The following NCKAP5L variants were observed in gnomAD, a reference collection of about 807,000 sequenced individuals.
NCKAP5L encodes nck-associated protein 5-like.
A neutral mutation model predicts 103.2 loss-of-function variants in NCKAP5L; 54 were observed. That is an observed-to-expected ratio of 0.52 (90% CI 0.42 to 0.66). The LOEUF is 0.66. NCKAP5L is among the 30% of genes least tolerant of loss of function. The probability of loss-of-function intolerance (pLI) is 0.00; values close to 1 mark genes in which losing one functional copy is unlikely to be tolerated. For missense variants in NCKAP5L, 1,733 were observed against 1,750.6 expected (o/e 0.99, Z 0.18); for synonymous variants, 762 against 748.6 (o/e 1.02, Z -0.29).
In NCKAP5L at chr12:49,801,977, AC is replaced by A. The variant is rs766427339; in HGVS notation, c.232-11del. ...ACTCCTCTCGCAGGTCCTGCCGCCCACCCCGGGAAGTGCAGGAAGAAGAGGT... is the reference window on the plus strand; with the variant it reads ...ACTCCTCTCGCAGGTCCTGCCGCCCACCCGGGAAGTGCAGGAAGAAGAGGT... On this transcript the variant is annotated splice_polypyrimidine_tract_variant and intron_variant, in intron 5 of 12. Transcript: ENST00000335999. The A allele has an allele frequency of 3.1e-6, 5 of 1,612,972 alleles. No homozygotes were observed. The highest frequency in any genetic ancestry group is 4.2e-6 in the Non-Finnish European group (5 of 1,179,600).
At chr12:49,824,374 T>C (rs752583229) in intron 1 of NCKAP5L, among the ~76,000 whole-genome samples, 14 of 151,756 alleles carry the variant, frequency 9.2e-5, no homozygotes, top group Non-Finnish European at 1.3e-4. Context: ...GCAGATCAGA[T>C]CAAGAAGAGT....
At position 49,792,514 on chromosome 12, in the gene NCKAP5L, C is replaced by T; in HGVS notation, c.3724G>A (p.Ala1242Thr). The T allele has an allele frequency of 1.2e-6, 2 of 1,613,560 alleles. No individual in the cohort carries two copies. Among genetic ancestry groups the T allele is most frequent in the Non-Finnish European group, 1.7e-6 (2 of 1,179,666 alleles). The stretch of plus-strand genomic sequence containing the variant: ...ATGAGAGGGTCCGAGGAGCTGCCGG[C>T]TGCCCTAGTATTGGGGAAGGTCCAG... ...KNWTFPNTRAAGSSSDPLMCP... is the reference protein window; with the variant it reads ...KNWTFPNTRATGSSSDPLMCP... The change falls in exon 12 of 13, where the codon GCC (alanine) becomes ACC (threonine). Residue 1242 changes from alanine (A) to threonine (T), a missense_variant. Ala to Thr is a moderately conservative substitution (Grantham distance 58). Coordinates refer to ENST00000335999, the MANE Select transcript of NCKAP5L (RefSeq NM_001037806.4). This position sits in a 1 kb window ranked among gnomAD's most constrained non-coding sequence, Gnocchi z 4.5.
At chr12:49,794,317 G>A (rs1945988921) in intron 8 of NCKAP5L, among the ~76,000 whole-genome samples, 1 of 152,150 alleles carries the variant, frequency 6.6e-6, no homozygotes, top group Non-Finnish European at 1.5e-5. Context: ...GCCTCATCTG[G>A]CCCAGACAGA....
intron 1 of NCKAP5L, among the ~76,000 whole-genome samples, chr12:49,808,467 A>C (rs895364961): frequency 2.0e-5 from 3 of 152,136 alleles, no homozygotes; most frequent in African/African-American, 7.2e-5. Flanking sequence ...GGTGGGGAGG[A>C]GCACGGGCCA....
chr12:49,811,403 G>A (rs924929234), intron 1 of NCKAP5L, among the ~76,000 whole-genome samples: 1 of 152,046 alleles, frequency 6.6e-6, no homozygotes, highest in Non-Finnish European at 1.5e-5. Flanking sequence ...AGCCAGCAGA[G>A]GGGAACCCCC....
At chr12:49,824,820 G>T (rs764723168) in intron 1 of NCKAP5L, among the ~76,000 whole-genome samples, 1 of 152,190 alleles carries the variant, frequency 6.6e-6, no homozygotes, top group Non-Finnish European at 1.5e-5. Flanking sequence ...CAGTGTCTGG[G>T]GGAAAATATT....
At chr12:49,815,946 G>A (rs1444374278) in intron 1 of NCKAP5L, among the ~76,000 whole-genome samples, 2 of 151,836 alleles carry the variant, frequency 1.3e-5, no homozygotes, top group Non-Finnish European at 2.9e-5. Context: ...ATCTTCCCAC[G>A]ACCTCCTACT....
At position 49,795,528 on chromosome 12, in the gene NCKAP5L, C is replaced by T; in HGVS notation, c.2332G>A (p.Ala778Thr). Reference protein sequence around the residue: ...PRSCLTKVELAKSRLAGALCP... With the variant: ...PRSCLTKVELTKSRLAGALCP... The stretch of plus-strand genomic sequence containing the variant: ...AGGGCCCCTGCCAGCCGGCTCTTGG[C>T]CAGCTCCACTTTGGTGAGGCAGCTC... The change falls in exon 8 of 13, where the codon GCC becomes ACC. Residue 778 changes from alanine (A) to threonine (T), a missense_variant. Coordinates refer to ENST00000335999, the MANE Select transcript of NCKAP5L (RefSeq NM_001037806.4). The T allele has an allele frequency of 6.5e-7, 1 of 1,532,806 alleles. No individual in the cohort carries two copies. The highest frequency in any genetic ancestry group is 2.2e-5 in the Admixed American group (1 of 46,026). 95.0% of individuals were successfully genotyped at this position (1,532,806 alleles called of 1,614,324 possible).
chr12:49,799,366 G>A (rs1258801386), intron 6 of NCKAP5L, among the ~76,000 whole-genome samples: 1 of 150,756 alleles, frequency 6.6e-6, no homozygotes, highest in African/African-American at 2.4e-5. Flanking sequence ...CTGGAATGCA[G>A]TGGCACGACT....
At chr12:49,826,428 G>T (rs934759028) in intron 1 of NCKAP5L, among the ~76,000 whole-genome samples, 2 of 152,170 alleles carry the variant, frequency 1.3e-5, no homozygotes, top group African/African-American at 4.8e-5. Context: ...AAGGCACCAG[G>T]GGTGTGTGGG....
intron 1 of NCKAP5L, among the ~76,000 whole-genome samples, chr12:49,808,203 G>A (rs1048322740): frequency 6.6e-6 from 1 of 152,208 alleles, no homozygotes; most frequent in Non-Finnish European, 1.5e-5. Context: ...CAGGCCAGGA[G>A]GCCCGAGTTC....
At position 49,804,096 on chromosome 12, in the gene NCKAP5L, A is replaced by T; in HGVS notation, c.-36-16T>A. The stretch of plus-strand genomic sequence containing the variant: ...CCCCGGCAGGCTACTCCAGGGAATG[A>T]GGAGGAAGTGAGAAGGAGGAGGACA... On this transcript the variant is annotated splice_polypyrimidine_tract_variant and intron_variant, in intron 2 of 12. Transcript: ENST00000335999. 6.3e-7 allele frequency: 1 copy of T among 1,598,912 alleles called. No individual in the cohort carries two copies.
intron 1 of NCKAP5L, among the ~76,000 whole-genome samples, chr12:49,811,751 C>A (rs999495616): frequency 1.3e-5 from 2 of 152,004 alleles, no homozygotes; most frequent in African/African-American, 4.8e-5. Flanking sequence ...CCAGCCTGGG[C>A]GACAAAGAGG....
chr12:49,794,834 C>T lies in NCKAP5L; in HGVS notation c.3026G>A (p.Gly1009Glu), dbSNP rs1346098892. Residue 1009 changes from glycine to glutamate, a missense_variant, in exon 8 of 13, where the codon GGG (glycine) becomes GAG (glutamate). Coordinates refer to ENST00000335999, the MANE Select transcript of NCKAP5L (RefSeq NM_001037806.4). Reference protein sequence around the residue: ...GPAPGPNTGLGQVQGQLAGMY... With the variant: ...GPAPGPNTGLEQVQGQLAGMY... ...GCCAGCCAGCTGGCCCTGCACCTGCCCCAGCCCCGTGTTGGGCCCTGGGGC... is the reference window on the plus strand; with the variant it reads ...GCCAGCCAGCTGGCCCTGCACCTGCTCCAGCCCCGTGTTGGGCCCTGGGGC... 6.5e-7 allele frequency: 1 copy of T among 1,536,968 alleles called. No individual in the cohort carries two copies. The highest frequency in any genetic ancestry group is 8.8e-7 in the Non-Finnish European group (1 of 1,142,596).
rs764426987 is a variant in NCKAP5L, at chr12:49,796,170, G to A, written c.1690C>T (p.Arg564Trp). 1.6e-5 allele frequency: 26 copies of A among 1,609,880 alleles called. No homozygotes were observed. The highest frequency in any genetic ancestry group is 7.7e-5 in the South Asian group (7 of 90,688). Residue 564 changes from arginine to tryptophan, a missense_variant, in exon 8 of 13, where the codon CGG (arginine) becomes TGG (tryptophan). By Grantham distance (101) the Arg-to-Trp change is moderately radical. Coordinates refer to ENST00000335999, the MANE Select transcript of NCKAP5L (RefSeq NM_001037806.4). ...PCYENILDLS[R>W]STFRGPSPEP... ...GGGGAAGGCCCCCTAAAGGTGCTCC[G>A]AGAAAGGTCCAGAATGTTCTCATAG...
intron 2 of NCKAP5L, chr12:49,805,742 G>C (rs1946171979): frequency 6.6e-6 from 1 of 152,238 alleles, no homozygotes; most frequent in Non-Finnish European, 1.5e-5. Context: ...AGGATCCCTT[G>C]AGCCCTAGAG....
rs115783357 is a variant in NCKAP5L at position 49,809,027 on chromosome 12, G to A, written c.-98-2986C>T. On this transcript the variant is annotated intron_variant, in intron 1 of 12. Coordinates refer to ENST00000335999, the MANE Select transcript of NCKAP5L (RefSeq NM_001037806.4). Reference sequence around the variant, plus strand: ...AGAAGAGCGGAGTCCTCTCTGGCTCGTCCTTCAGAGGGTGTGGGGAGGGGG... The same window carrying A: ...AGAAGAGCGGAGTCCTCTCTGGCTCATCCTTCAGAGGGTGTGGGGAGGGGG... Among the ~76,000 whole-genome samples, 1,365 of 152,030 alleles carry A rather than the reference G, an allele frequency of 9.0e-3. 23 individuals are homozygous for A. Among genetic ancestry groups the A allele is most frequent in the African/African-American group, 0.031 (1,284 of 41,440 alleles).
intron 1 of NCKAP5L, among the ~76,000 whole-genome samples, chr12:49,815,436 T>C (rs900384875): frequency 2.6e-5 from 4 of 152,268 alleles, no homozygotes; most frequent in African/African-American, 9.6e-5. Context: ...AATCCAATAA[T>C]ATTATCACAT....
chr12:49,824,215 A>G (rs918590654), intron 1 of NCKAP5L, among the ~76,000 whole-genome samples: 1 of 152,194 alleles, frequency 6.6e-6, no homozygotes, highest in Non-Finnish European at 1.5e-5. Context: ...GAGTGTCACA[A>G]AGCAGGCTGA....
Sources: gnomAD v4.1 joint callset for allele counts (sites outside exome capture counted in the v4.1 genomes callset) on GRCh38, gnomAD v4.1.1 for gene constraint, Gnocchi (gnomAD v3.1) non-coding constraint, MANE v1.5 for transcripts, NCBI Gene and HGNC (gene_info 2026-07-23, HGNC 2026-07-21) for gene names.